The following PRR16 variants were observed in gnomAD, a reference collection of about 807,000 sequenced individuals.
The protein encoded by PRR16 is protein Largen.
PRR16 carries 6 observed loss-of-function variants against 18.2 expected under a neutral mutation model. The ratio of observed to expected loss-of-function variants is 0.33; its 90% CI spans 0.18 to 0.65. The LOEUF (loss-of-function observed/expected upper bound fraction) is 0.65, where lower values mean the gene tolerates loss of function less well. PRR16 is among the 30% of genes least tolerant of loss of function. The probability of loss-of-function intolerance (pLI) is 0.74; values close to 1 mark genes in which losing one functional copy is unlikely to be tolerated. For synonymous variants in PRR16, 151 were observed against 147.8 expected, an observed-to-expected ratio of 1.02 and a Z score of -0.16; for missense variants, 412 against 376.6, an observed-to-expected ratio of 1.09 and a Z score of -0.78.
the PRR16 span, among the ~76,000 whole-genome samples, chr5:120,734,811 T>C: frequency 1.3e-5 from 2 of 152,326 alleles, no homozygotes; most frequent in South Asian, 4.1e-4. Flanking sequence ...TAGTTTGAGA[T>C]AGCATATTGA....
At chr5:120,766,256 CAAAACT>C in the PRR16 span, among the ~76,000 whole-genome samples, 1 of 151,974 alleles carries the variant, frequency 6.6e-6, no homozygotes, top group Non-Finnish European at 1.5e-5. Flanking sequence ...GCCTCCTTCC[CAAAACT>C]AGTCATTGCC....
At chr5:120,479,598 A>G (rs2604165) in intron 1 of PRR16, among the ~76,000 whole-genome samples, 46,754 of 151,942 alleles carry the variant, frequency 0.31, 8,241 homozygotes, top group African/African-American at 0.48. Context: ...AAATCCCTGG[A>G]ATTAAAAAAT....
chr5:120,583,920 TATTTA>T lies in PRR16; in HGVS notation c.160-102027_160-102023del, dbSNP rs1252786072. 4.6e-5 allele frequency among the ~76,000 whole-genome samples: 7 copies of T among 152,306 alleles called. No individual in the cohort carries two copies. In the South Asian group the frequency reaches 1.5e-3, roughly 32 times the overall value. ...GATTGACATGACTTTTCAAAAAATT[TATTTA>T]ATTTAACACTTACTAAGTATCTGTT... On this transcript the variant is annotated intron_variant, in intron 1 of 1. Transcript: ENST00000407149.
At chr5:120,502,542 T>G (rs1263923053) in intron 1 of PRR16, among the ~76,000 whole-genome samples, 2 of 152,058 alleles carry the variant, frequency 1.3e-5, no homozygotes, top group Non-Finnish European at 2.9e-5. Context: ...AAACAGAAAC[T>G]ATAATGGAAG....
At chr5:120,630,615 C>T (rs1487382409) in intron 1 of PRR16, among the ~76,000 whole-genome samples, 1 of 151,976 alleles carries the variant, frequency 6.6e-6, no homozygotes, top group African/African-American at 2.4e-5. Context: ...AGGAAAACAT[C>T]CATGTCTTCT....
chr5:120,703,920 A>G, the PRR16 span, among the ~76,000 whole-genome samples: 1 of 152,318 alleles, frequency 6.6e-6, no homozygotes, highest in East Asian at 1.9e-4. Context: ...TTGTACACAG[A>G]GATGAAATTG....
the PRR16 span, among the ~76,000 whole-genome samples, chr5:120,786,522 G>A: frequency 1.6e-5 from 2 of 124,048 alleles, no homozygotes; most frequent in Non-Finnish European, 1.7e-5. Flanking sequence ...ATTTTAAATT[G>A]TATATTATAT....
the PRR16 span, among the ~76,000 whole-genome samples, chr5:120,692,863 C>T: frequency 6.6e-6 from 1 of 152,020 alleles, no homozygotes; most frequent in African/African-American, 2.4e-5. Flanking sequence ...CTTTTAACAA[C>T]CATATTTGAA....
intron 1 of PRR16, among the ~76,000 whole-genome samples, chr5:120,483,026 T>G (rs1455752182): frequency 6.6e-6 from 1 of 152,196 alleles, no homozygotes; most frequent in Non-Finnish European, 1.5e-5. Context: ...GGTTAGGGAA[T>G]GCTGCAGTAA....
chr5:120,641,852 T>C (rs1755434103), intron 1 of PRR16, among the ~76,000 whole-genome samples: 1 of 152,098 alleles, frequency 6.6e-6, no homozygotes, highest in African/African-American at 2.4e-5. Flanking sequence ...ATGTAGATAT[T>C]TATCTGGATG....
At chr5:120,555,322 G>A (rs911735576) in intron 1 of PRR16, among the ~76,000 whole-genome samples, 8 of 151,816 alleles carry the variant, frequency 5.3e-5, no homozygotes, top group African/African-American at 1.9e-4. Context: ...CATTGTTTTG[G>A]ACCTGTCAGC....
At chr5:120,769,576 A>G in the PRR16 span, among the ~76,000 whole-genome samples, 1 of 151,754 alleles carries the variant, frequency 6.6e-6, no homozygotes, top group African/African-American at 2.4e-5. Flanking sequence ...ATTTCATTCT[A>G]TGTATGTACC....
intron 1 of PRR16, among the ~76,000 whole-genome samples, chr5:120,584,783 C>T (rs572530031): frequency 2.5e-4 from 38 of 152,168 alleles, no homozygotes; most frequent in Middle Eastern, 3.4e-3. Flanking sequence ...AAATAGTAGT[C>T]GTCTGTGTTT....
chr5:120,621,275 T>C (rs1335191731), intron 1 of PRR16, among the ~76,000 whole-genome samples: 1 of 152,122 alleles, frequency 6.6e-6, no homozygotes, highest in African/African-American at 2.4e-5. Flanking sequence ...CTATTCTACA[T>C]TGAAAACTTT....
intron 1 of PRR16, among the ~76,000 whole-genome samples, chr5:120,594,860 G>T (rs1753750340): frequency 6.6e-6 from 1 of 152,032 alleles, no homozygotes; most frequent in Admixed American, 6.6e-5. Flanking sequence ...ATGGGGAAAG[G>T]ACTCCCTATT....
rs186155757 is a variant in PRR16 at position 120,588,748 on chromosome 5, T to C, written c.160-97206T>C. ...ATATGCCTTGGTTTTAGCTTTTTAT[T>C]GTGACCTTAAGTAATTCATCATTGA... On this transcript the variant is annotated intron_variant, in intron 1 of 1. Coordinates refer to ENST00000407149, the MANE Select transcript of PRR16 (RefSeq NM_001300783.2). Among the ~76,000 whole-genome samples the C allele has an allele frequency of 3.4e-4, 51 of 151,462 alleles. 1 individual carries two copies. The highest frequency in any genetic ancestry group is 3.9e-4 in the Non-Finnish European group (26 of 67,486).
intron 1 of PRR16, among the ~76,000 whole-genome samples, chr5:120,483,243 A>C (rs564382897): frequency 6.6e-6 from 1 of 152,276 alleles, no homozygotes; most frequent in South Asian, 2.1e-4. Flanking sequence ...TTTAGTTTGT[A>C]AATGACACAG....
the PRR16 span, among the ~76,000 whole-genome samples, chr5:120,701,815 T>C: frequency 3.9e-5 from 6 of 152,272 alleles, no homozygotes; most frequent in African/African-American, 1.4e-4. Context: ...TGTAAAAGAA[T>C]GCCTGGACGT....
chr5:120,599,739 T>C (rs1327183724), intron 1 of PRR16, among the ~76,000 whole-genome samples: 1 of 151,882 alleles, frequency 6.6e-6, no homozygotes, highest in African/African-American at 2.4e-5. Flanking sequence ...TGATTAGTGG[T>C]TGCCTTGACC....
Sources: allele counts gnomAD v4.1 joint callset (sites outside exome capture counted in the v4.1 genomes callset), GRCh38; gene constraint gnomAD v4.1.1; transcripts MANE v1.5; gene names NCBI Gene and HGNC (gene_info 2026-07-23, HGNC 2026-07-21).